TENM2: variants seen among roughly 807,000 people sequenced by gnomAD.
TENM2 encodes teneurin transmembrane protein 2.
Under a neutral mutation model 245.2 loss-of-function variants are expected in TENM2, and 52 were observed. That is an observed-to-expected ratio of 0.21 (90% CI 0.17 to 0.27). TENM2 has a LOEUF of 0.27. TENM2 is among the 10% of genes least tolerant of loss of function. TENM2 has a pLI of 1.00. For synonymous variants in TENM2, 1,363 were observed against 1,438.9 expected (o/e 0.95, Z 1.19); for missense variants, 3,046 against 3,666.8 (o/e 0.83, Z 4.37).
At chr5:168,220,859 T>C (rs1763610351) in intron 23 of TENM2, among the ~76,000 whole-genome samples, 1 of 152,072 alleles carries the variant, frequency 6.6e-6, no homozygotes, top group African/African-American at 2.4e-5. Flanking sequence ...TGCCTGTAAT[T>C]TCTGCACTTT....
intron 27 of TENM2, among the ~76,000 whole-genome samples, chr5:168,255,010 G>A (rs1767521793): frequency 6.6e-6 from 1 of 151,270 alleles, no homozygotes; most frequent in Non-Finnish European, 1.5e-5. Flanking sequence ...TCACACCACT[G>A]CACTCCAGCC....
rs559577720 is a variant in TENM2, at chr5:167,680,083, T to C, written c.503-195903T>C. Among the ~76,000 whole-genome samples the C allele has an allele frequency of 5.3e-5, 8 of 152,228 alleles. No homozygotes were observed. The South Asian group carries it at 1.2e-3, about 24-fold the overall frequency. ...TTTGGAGAAAGTATTTCCCAGCCTG[T>C]AGTGGACTTTCCTTCTCAGTGCTCC... On this transcript the variant is annotated intron_variant, in intron 2 of 28. Transcript: ENST00000518659.
At chr5:168,203,450 T>C (rs1026170025) in intron 17 of TENM2, among the ~76,000 whole-genome samples, 1 of 152,208 alleles carries the variant, frequency 6.6e-6, no homozygotes, top group Non-Finnish European at 1.5e-5. Flanking sequence ...GGAAAGGTCT[T>C]TCCATTCCCA....
At chr5:167,994,648 G>T (rs1437647113) in intron 5 of TENM2, among the ~76,000 whole-genome samples, 1 of 152,198 alleles carries the variant, frequency 6.6e-6, no homozygotes, top group East Asian at 1.9e-4. Flanking sequence ...TCTCAGGAAT[G>T]CCCTCCCAAA....
intron 2 of TENM2, among the ~76,000 whole-genome samples, chr5:167,421,691 A>T (rs1394547189): frequency 6.6e-6 from 1 of 152,180 alleles, no homozygotes; most frequent in Non-Finnish European, 1.5e-5. Context: ...TTACCTATAA[A>T]ATAGACAATA....
At chr5:168,124,732 A>T in intron 10 of TENM2, 118 bp from the exon 13 acceptor site, 1 of 901,824 alleles carries the variant, frequency 1.1e-6, no homozygotes, top group African/African-American at 1.7e-5. Flanking sequence ...ATTTGCTAGC[A>T]AGTGGATGGG....
chr5:167,495,021 A>G (rs143401342), intron 2 of TENM2, among the ~76,000 whole-genome samples: 4 of 152,202 alleles, frequency 2.6e-5, no homozygotes, highest in African/African-American at 9.6e-5. Flanking sequence ...AATCTTTCTA[A>G]TGGTGGAACT....
At chr5:167,331,327 C>A (rs1216189917) in intron 1 of TENM2, among the ~76,000 whole-genome samples, 1 of 151,180 alleles carries the variant, frequency 6.6e-6, no homozygotes, top group African/African-American at 2.4e-5. Flanking sequence ...ACTTAAATAT[C>A]AGTTGAAAGA....
chr5:167,731,199 A>AT (rs1760406519), intron 2 of TENM2, among the ~76,000 whole-genome samples: 2 of 42,578 alleles, frequency 4.7e-5, no homozygotes, highest in Non-Finnish European at 9.2e-5. Context: ...CCCTCCAGAC[A>AT]GTTTTTTTTT....
the TENM2 span, among the ~76,000 whole-genome samples, chr5:166,997,805 A>T: frequency 6.6e-6 from 1 of 152,192 alleles, no homozygotes; most frequent in African/African-American, 2.4e-5. Flanking sequence ...TTATTGACTT[A>T]TGCTAAGTGC....
At chr5:167,127,771 A>C in the TENM2 span, among the ~76,000 whole-genome samples, 1 of 152,124 alleles carries the variant, frequency 6.6e-6, no homozygotes, top group East Asian at 1.9e-4. Context: ...TTTTCATTTT[A>C]GTGCTTTTTT....
chr5:167,348,075 G>A (rs757658188), intron 1 of TENM2, among the ~76,000 whole-genome samples: 5 of 152,148 alleles, frequency 3.3e-5, no homozygotes, highest in Non-Finnish European at 5.9e-5. Context: ...TGGACTAGAC[G>A]GCGTGTTGTT....
intron 2 of TENM2, among the ~76,000 whole-genome samples, chr5:167,844,318 G>A (rs553678549): frequency 7.9e-5 from 12 of 152,334 alleles, no homozygotes; most frequent in African/African-American, 2.9e-4. Context: ...GAGAAAAATG[G>A]CAATCAGCAC....
chr5:167,507,377 A>C (rs1469393818), intron 2 of TENM2, among the ~76,000 whole-genome samples: 1 of 152,222 alleles, frequency 6.6e-6, no homozygotes, highest in Non-Finnish European at 1.5e-5. Flanking sequence ...TCAATATCAA[A>C]GGCTGAAGTA....
At chr5:167,464,452 A>C (rs1766518567) in intron 2 of TENM2, among the ~76,000 whole-genome samples, 1 of 152,180 alleles carries the variant, frequency 6.6e-6, no homozygotes, top group African/African-American at 2.4e-5. Flanking sequence ...CTAATCATCT[A>C]TCTGGATACA....
At chr5:167,075,069 T>G in the TENM2 span, among the ~76,000 whole-genome samples, 1 of 152,128 alleles carries the variant, frequency 6.6e-6, no homozygotes, top group Non-Finnish European at 1.5e-5. Context: ...AAATCCATTA[T>G]AAATGCAGAG....
At chr5:167,042,775 A>T in the TENM2 span, among the ~76,000 whole-genome samples, 1 of 152,204 alleles carries the variant, frequency 6.6e-6, no homozygotes, top group African/African-American at 2.4e-5. Flanking sequence ...ATCTCTGGTT[A>T]TTTACAACAA....
chr5:168,005,165 T>C (rs1472341658), intron 5 of TENM2, among the ~76,000 whole-genome samples: 2 of 152,204 alleles, frequency 1.3e-5, no homozygotes, highest in East Asian at 1.9e-4. Flanking sequence ...GATATCCATA[T>C]TGTAGTGAAA....
chr5:167,324,128 G>A lies in TENM2; in HGVS notation c.226+39065G>A, dbSNP rs148285611. Among the ~76,000 whole-genome samples the A allele has an allele frequency of 1.6e-3, 241 of 152,256 alleles. 3 individuals are homozygous for A. Among genetic ancestry groups the A allele is most frequent in the African/African-American group, 5.4e-3 (225 of 41,554 alleles). On this transcript the variant is annotated intron_variant, in intron 1 of 28. Transcript: ENST00000518659. The stretch of plus-strand genomic sequence containing the variant: ...AATATTTACCTTAAAGAGTTTTGAA[G>A]ATTAGATATAAGTTACATGAAGCAT...
Sources: gnomAD v4.1 joint callset for allele counts (sites outside exome capture counted in the v4.1 genomes callset) on GRCh38, gnomAD v4.1.1 for gene constraint, MANE v1.5 for transcripts, NCBI Gene and HGNC (gene_info 2026-07-23, HGNC 2026-07-21) for gene names.